CYSTM1: variants seen among roughly 807,000 people sequenced by gnomAD.
CYSTM1 encodes the protein cysteine-rich transmembrane module-containing protein 1.
A neutral mutation model predicts 13.1 loss-of-function variants in CYSTM1; 4 were observed. The ratio of observed to expected loss-of-function variants is 0.31; its 90% CI spans 0.15 to 0.70. The LOEUF is 0.70. Among genes scored for constraint, CYSTM1 ranks in the 30% least tolerant of loss-of-function variants. The pLI is 0.72. For synonymous variants in CYSTM1, 36 were observed against 42.7 expected (o/e 0.84, Z 0.62); for missense variants, 96 against 121.6 (o/e 0.79, Z 0.99).
chr5:140,229,120 T>C (rs1488074854), intron 2 of CYSTM1, among the ~76,000 whole-genome samples: 1 of 152,196 alleles, frequency 6.6e-6, no homozygotes, highest in African/African-American at 2.4e-5. Context: ...GTCTTACTGA[T>C]TTGTAGAGAA....
At chr5:140,193,836 T>TA (rs1219800311) in intron 1 of CYSTM1, among the ~76,000 whole-genome samples, 1 of 152,172 alleles carries the variant, frequency 6.6e-6, no homozygotes, top group Non-Finnish European at 1.5e-5. Flanking sequence ...GCATTCTCTA[T>TA]AAACAGCGCT....
At chr5:140,231,193 AG>A (rs1764613978) in intron 2 of CYSTM1, among the ~76,000 whole-genome samples, 1 of 152,242 alleles carries the variant, frequency 6.6e-6, no homozygotes, top group South Asian at 2.1e-4. Context: ...TTTTAAAATT[AG>A]ATTTTTCTCC....
chr5:140,241,074 T>C (rs1266383178), intron 2 of CYSTM1, among the ~76,000 whole-genome samples: 1 of 152,204 alleles, frequency 6.6e-6, no homozygotes, highest in Non-Finnish European at 1.5e-5. Flanking sequence ...GTTTCTAACC[T>C]CTGTCAGCAC....
intron 1 of CYSTM1, among the ~76,000 whole-genome samples, chr5:140,188,831 A>G (rs1188323391): frequency 6.6e-6 from 1 of 152,116 alleles, no homozygotes; most frequent in Non-Finnish European, 1.5e-5. Context: ...ATTGCCCACA[A>G]TTCCAGCACC....
chr5:140,228,620 A>G (rs1158541446), intron 2 of CYSTM1: 1 of 396,280 alleles, frequency 2.5e-6, no homozygotes, highest in Admixed American at 4.4e-5. Context: ...CTAACAATCT[A>G]GACAGAACCA....
At chr5:140,195,761 A>G (rs1764149087) in intron 2 of CYSTM1, among the ~76,000 whole-genome samples, 1 of 145,044 alleles carries the variant, frequency 6.9e-6, no homozygotes, top group Non-Finnish European at 1.5e-5. Flanking sequence ...AGTGCTTATT[A>G]TGGCCAGGCA....
chr5:140,229,174 G>A (rs1044358035), intron 2 of CYSTM1, among the ~76,000 whole-genome samples: 1 of 152,010 alleles, frequency 6.6e-6, no homozygotes, highest in East Asian at 1.9e-4. Flanking sequence ...TTTTATAGGT[G>A]TGCAAATATC....
chr5:140,195,589 C>T (rs1392308171), intron 2 of CYSTM1, among the ~76,000 whole-genome samples: 1 of 151,774 alleles, frequency 6.6e-6, no homozygotes, highest in Non-Finnish European at 1.5e-5. Context: ...CTACAGGCGC[C>T]TGCCACCACG....
intron 2 of CYSTM1, among the ~76,000 whole-genome samples, chr5:140,215,242 C>T (rs1477972800): frequency 6.6e-6 from 1 of 152,100 alleles, no homozygotes; most frequent in Non-Finnish European, 1.5e-5. Context: ...TATTGTGGCT[C>T]CTTGGAGCCA....
At chr5:140,220,425 C>A (rs551496548) in intron 2 of CYSTM1, among the ~76,000 whole-genome samples, 2 of 152,090 alleles carry the variant, frequency 1.3e-5, no homozygotes, top group Non-Finnish European at 2.9e-5. Context: ...GAGGAGAGGG[C>A]GGTAATAAGA....
rs150669111 is a variant in CYSTM1, at chr5:140,212,983, G to GTATATATATATATATATATA, written c.187+18339_187+18358dup. Among the ~76,000 whole-genome samples the GTATATATATATATATATATA allele has an allele frequency of 5.6e-4, 64 of 114,274 alleles. 1 individual carries two copies. Among genetic ancestry groups the GTATATATATATATATATATA allele is most frequent in the African/African-American group, 1.9e-3 (62 of 32,280 alleles). The allele number at this position is 114,274 out of a possible 152,430, so 75.0% of individuals were successfully genotyped here. On this transcript the variant is annotated intron_variant, in intron 2 of 2. Coordinates refer to ENST00000261811, the MANE Select transcript of CYSTM1 (RefSeq NM_032412.4). ...ACTCTGTCTCAAAAACAAAACAAAA[G>GTATATATATATATATATATA]TATATATATATATATATATATATAT...
chr5:140,182,726 G>A (rs1383792943), intron 1 of CYSTM1, among the ~76,000 whole-genome samples: 2 of 151,766 alleles, frequency 1.3e-5, no homozygotes, highest in Non-Finnish European at 2.9e-5. Flanking sequence ...AGAAACTGAA[G>A]TTATCATCTA....
chr5:140,214,597 G>C (rs545132728), intron 2 of CYSTM1, among the ~76,000 whole-genome samples: 1 of 149,296 alleles, frequency 6.7e-6, no homozygotes, highest in Non-Finnish European at 1.5e-5. Flanking sequence ...GAGCAGCCTG[G>C]TTTTCTGCTT....
intron 2 of CYSTM1, among the ~76,000 whole-genome samples, chr5:140,233,326 G>A (rs560068095): frequency 1.3e-5 from 2 of 152,124 alleles, no homozygotes; most frequent in African/African-American, 2.4e-5. Context: ...TATTCTATGA[G>A]GATCTGTGGA....
At chr5:140,216,680 A>G (rs561120568) in intron 2 of CYSTM1, among the ~76,000 whole-genome samples, 1 of 152,270 alleles carries the variant, frequency 6.6e-6, no homozygotes, top group Non-Finnish European at 1.5e-5. Flanking sequence ...TCAGGGCTGC[A>G]ATGCTTTTGG....
chr5:140,209,433 A>AT (rs558015356), intron 2 of CYSTM1, among the ~76,000 whole-genome samples: 1,617 of 86,602 alleles, frequency 0.019, 26 homozygotes, highest in African/African-American at 0.054. Context: ...TGCCTGGCTA[A>AT]TTTTTTTTTT....
chr5:140,193,490 G>T (rs2126657052), intron 1 of CYSTM1, among the ~76,000 whole-genome samples: 1 of 152,298 alleles, frequency 6.6e-6, no homozygotes, highest in African/African-American at 2.4e-5. Context: ...CACCATGTTA[G>T]CCAGGATGGT....
intron 1 of CYSTM1, among the ~76,000 whole-genome samples, chr5:140,188,128 T>G (rs1279702059): frequency 1.3e-4 from 19 of 149,568 alleles, no homozygotes. Flanking sequence ...CAGACTAGAG[T>G]GTAGTGTCAT....
intron 2 of CYSTM1, among the ~76,000 whole-genome samples, chr5:140,240,815 G>A (rs759303732): frequency 3.9e-5 from 6 of 152,104 alleles, no homozygotes; most frequent in Admixed American, 3.3e-4. Context: ...TGCTTTGGGC[G>A]ACTGAAGCAA....
Sources: allele counts gnomAD v4.1 joint callset (sites outside exome capture counted in the v4.1 genomes callset), GRCh38; gene constraint gnomAD v4.1.1; transcripts MANE v1.5; gene names NCBI Gene and HGNC (gene_info 2026-07-23, HGNC 2026-07-21).